RHBDD1: variants seen among roughly 807,000 people sequenced by gnomAD.
RHBDD1 encodes rhomboid-related protein 4.
Under a neutral mutation model 36.3 loss-of-function variants are expected in RHBDD1, and 38 were observed. The ratio of observed to expected loss-of-function variants is 1.05; its 90% CI spans 0.81 to 1.37. The LOEUF (loss-of-function observed/expected upper bound fraction) is 1.37, where lower values mean the gene tolerates loss of function less well. Among genes scored for constraint, RHBDD1 ranks in the 40% most tolerant of loss-of-function variants. The probability of loss-of-function intolerance (pLI) is 0.00; values close to 1 mark genes in which losing one functional copy is unlikely to be tolerated. For missense variants in RHBDD1, 393 were observed against 377.6 expected, an observed-to-expected ratio of 1.04 and a Z score of -0.34; for synonymous variants, 151 against 136.5, an observed-to-expected ratio of 1.11 and a Z score of -0.74.
the RHBDD1 span, among the ~76,000 whole-genome samples, chr2:226,809,624 A>G: frequency 6.6e-6 from 1 of 151,242 alleles, no homozygotes; most frequent in East Asian, 1.9e-4. Context: ...TAAGATTTTG[A>G]GAAAGAGAGG....
intron 8 of RHBDD1, among the ~76,000 whole-genome samples, chr2:226,971,768 T>C (rs1001640328): frequency 1.3e-5 from 2 of 152,186 alleles, no homozygotes; most frequent in African/African-American, 2.4e-5. Context: ...TTATCTGTCA[T>C]GTAATTTGTG....
rs1386266394 is a variant in RHBDD1, at chr2:226,990,022, TC to T, written c.857-5408del. On this transcript the variant is annotated intron_variant, in intron 8 of 8. Coordinates refer to ENST00000392062, the MANE Select transcript of RHBDD1 (RefSeq NM_001167608.3). The stretch of plus-strand genomic sequence containing the variant: ...TAAAGTCACATCTAAATATTACCTT[TC>T]TCGTAAACCAAAACTGAAATTTCCA... Among the ~76,000 whole-genome samples the T allele has an allele frequency of 2.0e-5, 3 of 152,332 alleles. No individual in the cohort carries two copies. In the East Asian group the frequency reaches 5.8e-4, roughly 29 times the overall value.
Position 226,909,252 on chromosome 2 carries a change from ATATTC to A in RHBDD1, c.712+375_712+379del, listed in dbSNP as rs1553563668. On this transcript the variant is annotated intron_variant, in intron 7 of 8. Coordinates refer to ENST00000392062, the MANE Select transcript of RHBDD1 (RefSeq NM_001167608.3). ...TAGTTCTCCATGGCCCATCCTGTGT[ATATTC>A]AGGAACCCTTGCATACCGTCAGATG... 1.5e-4 allele frequency among the ~76,000 whole-genome samples: 23 copies of A among 152,270 alleles called. No homozygotes were observed. In the South Asian group the frequency reaches 1.7e-3, roughly 11 times the overall value.
chr2:226,869,630 C>T (rs1029345997), intron 5 of RHBDD1, among the ~76,000 whole-genome samples: 1 of 152,084 alleles, frequency 6.6e-6, no homozygotes, highest in Non-Finnish European at 1.5e-5. Flanking sequence ...AGTAATTTCC[C>T]CCAGTTACAG....
chr2:226,941,617 CTTGAGCTCATCTATTCTGG>C (rs1374289991), intron 8 of RHBDD1, among the ~76,000 whole-genome samples: 4 of 152,212 alleles, frequency 2.6e-5, no homozygotes, highest in Admixed American at 6.5e-5. Context: ...GAAAATGGTA[CTTGAGCTCATCTATTCTGG>C]TCTTTTAGAT....
At chr2:226,805,700 CA>C in the RHBDD1 span, among the ~76,000 whole-genome samples, 2 of 152,116 alleles carry the variant, frequency 1.3e-5, no homozygotes, top group East Asian at 1.9e-4. Context: ...TTTGATAGCC[CA>C]AAAATGTCTT....
chr2:226,900,941 AACTCT>A (rs1947532705), intron 5 of RHBDD1, among the ~76,000 whole-genome samples: 1 of 152,166 alleles, frequency 6.6e-6, no homozygotes, highest in Non-Finnish European at 1.5e-5. Context: ...TATTATTATT[AACTCT>A]ACTCACCATG....
chr2:226,916,140 ACTGTATT>A (rs1456946485), intron 8 of RHBDD1, among the ~76,000 whole-genome samples: 3 of 152,152 alleles, frequency 2.0e-5, no homozygotes, highest in African/African-American at 4.8e-5. Flanking sequence ...TGTCAGTTCC[ACTGTATT>A]CTGTATACTG....
At chr2:226,822,185 C>T in the RHBDD1 span, among the ~76,000 whole-genome samples, 2 of 152,164 alleles carry the variant, frequency 1.3e-5, no homozygotes, top group African/African-American at 4.8e-5. Context: ...CCTGTTAGAC[C>T]TATACCTCCC....
At chr2:226,815,979 C>T in the RHBDD1 span, among the ~76,000 whole-genome samples, 1 of 152,164 alleles carries the variant, frequency 6.6e-6, no homozygotes, top group Non-Finnish European at 1.5e-5. Context: ...GAATTGCCCC[C>T]TGCTCTGTCT....
chr2:226,979,043 C>G (rs971525271), intron 8 of RHBDD1, among the ~76,000 whole-genome samples: 2 of 152,112 alleles, frequency 1.3e-5, no homozygotes, highest in South Asian at 2.1e-4. Context: ...AAGCAAAGTC[C>G]TATGATAGGC....
chr2:226,929,231 C>T (rs1289202038), intron 8 of RHBDD1, among the ~76,000 whole-genome samples: 2 of 151,990 alleles, frequency 1.3e-5, no homozygotes, highest in Non-Finnish European at 2.9e-5. Context: ...CTCTGATGAA[C>T]GTAGATGCAA....
the RHBDD1 span, among the ~76,000 whole-genome samples, chr2:226,823,608 T>C: frequency 2.6e-5 from 4 of 152,194 alleles, no homozygotes; most frequent in African/African-American, 7.2e-5. Context: ...TTATCTGCAA[T>C]GTACATGAAA....
chr2:226,816,883 G>C, the RHBDD1 span, among the ~76,000 whole-genome samples: 2 of 139,606 alleles, frequency 1.4e-5, no homozygotes, highest in African/African-American at 4.9e-5. Flanking sequence ...GACAGCGCAA[G>C]ACGCCATCTC....
intron 8 of RHBDD1, among the ~76,000 whole-genome samples, chr2:226,932,413 A>C (rs1245085258): frequency 6.6e-6 from 1 of 152,118 alleles, no homozygotes; most frequent in African/African-American, 2.4e-5. Context: ...TAGTATTTTG[A>C]ATTACCTGTG....
At chr2:226,840,909 C>G (rs1472830453) in intron 3 of RHBDD1, among the ~76,000 whole-genome samples, 1 of 150,776 alleles carries the variant, frequency 6.6e-6, no homozygotes, top group East Asian at 1.9e-4. Flanking sequence ...AGTAAAAAGT[C>G]TCTTGGGCAA....
chr2:226,995,818 G>T lies in RHBDD1; in HGVS notation c.*296G>T. On this transcript the variant is annotated 3_prime_UTR_variant, in exon 9 of 9. Transcript: ENST00000392062. Reference sequence around the variant, plus strand: ...GCTGACTCAGCGATGCCTCTGCCTCGGTCTGCTTTTGAAGACTGTGACCTT... The same window carrying T: ...GCTGACTCAGCGATGCCTCTGCCTCTGTCTGCTTTTGAAGACTGTGACCTT... The T allele has an allele frequency of 7.9e-6, 3 of 380,728 alleles. No homozygotes were observed. The highest frequency in any genetic ancestry group is 1.4e-5 in the Non-Finnish European group (3 of 213,104). The allele number at this position is 380,728 out of a possible 1,614,324, so 23.6% of individuals were successfully genotyped here. A position where few individuals can be genotyped will look rare whatever the true frequency, so the allele number is the denominator to read the frequency against.
intron 8 of RHBDD1, among the ~76,000 whole-genome samples, chr2:226,958,091 T>A (rs1223244487): frequency 6.6e-6 from 1 of 152,218 alleles, no homozygotes; most frequent in African/African-American, 2.4e-5. Context: ...ATGTGAATAT[T>A]TATTTTAACA....
chr2:226,864,008 A>G (rs1944094253), intron 3 of RHBDD1, among the ~76,000 whole-genome samples: 1 of 152,156 alleles, frequency 6.6e-6, no homozygotes, highest in Non-Finnish European at 1.5e-5. Context: ...TCTTAAAAAC[A>G]AGGACTGTGT....
Sources: allele counts gnomAD v4.1 joint callset (sites outside exome capture counted in the v4.1 genomes callset), GRCh38; gene constraint gnomAD v4.1.1; transcripts MANE v1.5; gene names NCBI Gene and HGNC (gene_info 2026-07-23, HGNC 2026-07-21).